The following CRACDL variants were observed in gnomAD, a reference collection of about 807,000 sequenced individuals.
CRACDL encodes CRACD like.
Under a neutral mutation model 70.6 loss-of-function variants are expected in CRACDL, and 26 were observed. The ratio of observed to expected loss-of-function variants is 0.37; its 90% CI spans 0.27 to 0.51. CRACDL has a LOEUF of 0.51. Ranked by LOEUF, CRACDL falls within the 20% of genes least tolerant of loss-of-function variation. The pLI is 0.94. For missense variants in CRACDL, 1,283 were observed against 1,376.9 expected (o/e 0.93, Z 1.08); for synonymous variants, 618 against 615.2 (o/e 1.00, Z -0.07).
intron 1 of CRACDL, among the ~76,000 whole-genome samples, chr2:98,903,435 G>A (rs1708332613): frequency 6.6e-6 from 1 of 152,076 alleles, no homozygotes; most frequent in Admixed American, 6.5e-5. Context: ...AACCCATTTT[G>A]TTTCACCCCA....
At chr2:98,836,668 A>G (rs1322465907) in intron 3 of CRACDL, among the ~76,000 whole-genome samples, 3 of 152,106 alleles carry the variant, frequency 2.0e-5, no homozygotes, top group African/African-American at 4.8e-5. Flanking sequence ...GTCAAGAGAC[A>G]GGGGTGGATG....
At chr2:98,836,507 T>C (rs1705787734) in intron 3 of CRACDL, among the ~76,000 whole-genome samples, 1 of 152,092 alleles carries the variant, frequency 6.6e-6, no homozygotes, top group Non-Finnish European at 1.5e-5. Context: ...AAGCACACCG[T>C]CTCCACTTTC....
intron 1 of CRACDL, among the ~76,000 whole-genome samples, chr2:98,891,469 T>C (rs1263185270): frequency 6.7e-6 from 1 of 150,058 alleles, no homozygotes; most frequent in Admixed American, 6.7e-5. Context: ...CTGTAATGGG[T>C]ACATGGTTTC....
At chr2:98,861,370 C>A (rs1216387751) in intron 1 of CRACDL, among the ~76,000 whole-genome samples, 1 of 152,060 alleles carries the variant, frequency 6.6e-6, no homozygotes, top group Non-Finnish European at 1.5e-5. Flanking sequence ...ACAACAAAAC[C>A]ACAGTGAGTT....
At chr2:98,925,740 G>C (rs901413405) in intron 1 of CRACDL, among the ~76,000 whole-genome samples, 1 of 152,122 alleles carries the variant, frequency 6.6e-6, no homozygotes, top group Admixed American at 6.5e-5. Flanking sequence ...AAAATACACA[G>C]GGTGACTACA....
intron 1 of CRACDL, among the ~76,000 whole-genome samples, chr2:98,906,957 T>C (rs1007647231): frequency 2.0e-5 from 3 of 152,130 alleles, no homozygotes; most frequent in South Asian, 2.1e-4. Context: ...GATTCAATGT[T>C]CAAGGTGCTC....
At chr2:98,897,824 T>TA (rs1708167292) in intron 1 of CRACDL, among the ~76,000 whole-genome samples, 1 of 152,226 alleles carries the variant, frequency 6.6e-6, no homozygotes, top group African/African-American at 2.4e-5. Flanking sequence ...AGCACAGTAC[T>TA]AAAAACAGAG....
intron 3 of CRACDL, among the ~76,000 whole-genome samples, chr2:98,837,382 G>A (rs958208982): frequency 6.6e-6 from 1 of 151,850 alleles, no homozygotes; most frequent in African/African-American, 2.4e-5. Context: ...CCATCTCAGC[G>A]TGGTCTGTAC....
intron 1 of CRACDL, among the ~76,000 whole-genome samples, chr2:98,857,866 C>T (rs981776531): frequency 6.6e-6 from 1 of 152,054 alleles, no homozygotes; most frequent in Non-Finnish European, 1.5e-5. Context: ...TATATATATG[C>T]ATATCTATCT....
At chr2:98,827,227 C>G in intron 5 of CRACDL, 58 bp from the exon 6 acceptor site, 1 of 1,230,754 alleles carries the variant, frequency 8.1e-7, no homozygotes, top group South Asian at 1.3e-5. Flanking sequence ...GAAATAAGGA[C>G]GACCAACGCA....
In CRACDL at chr2:98,820,924, T is replaced by C. The variant is rs192801575; in HGVS notation, c.2416+933A>G. Among the ~76,000 whole-genome samples the C allele has an allele frequency of 2.3e-3, 351 of 152,340 alleles. 1 individual carries two copies. Among genetic ancestry groups the C allele is most frequent in the Non-Finnish European group, 4.3e-3 (291 of 68,034 alleles). ...GAGGAAAAGGTCAGAAGGACCCTAATAGAGGAGTATGTTTCATTTATAGCC... is the reference window on the plus strand; with the variant it reads ...GAGGAAAAGGTCAGAAGGACCCTAACAGAGGAGTATGTTTCATTTATAGCC... On this transcript the variant is annotated intron_variant, in intron 7 of 9. Coordinates refer to ENST00000397899, the MANE Select transcript of CRACDL (RefSeq NM_207362.3).
At chr2:98,853,102 A>C (rs1460253082) in intron 1 of CRACDL, among the ~76,000 whole-genome samples, 3 of 152,156 alleles carry the variant, frequency 2.0e-5, no homozygotes, top group African/African-American at 7.2e-5. Context: ...ACATTTCTCC[A>C]AAATGGTGGA....
At chr2:98,870,626 C>G (rs1407141370) in intron 1 of CRACDL, among the ~76,000 whole-genome samples, 2 of 152,098 alleles carry the variant, frequency 1.3e-5, no homozygotes, top group African/African-American at 2.4e-5. Flanking sequence ...GGACTGGGCC[C>G]CAGGGCTGAG....
At chr2:98,888,511 T>TA (rs952432949) in intron 1 of CRACDL, among the ~76,000 whole-genome samples, 18 of 151,842 alleles carry the variant, frequency 1.2e-4, no homozygotes, top group African/African-American at 4.1e-4. Context: ...AGAAAATAAC[T>TA]AAAAAAATGG....
In CRACDL at chr2:98,822,305, C is replaced by T. The variant is rs1705086519; in HGVS notation, c.1968G>A (p.Glu656=). 2 of 1,506,770 alleles carry T rather than the reference C, an allele frequency of 1.3e-6. No individual in the cohort carries two copies. Among genetic ancestry groups the T allele is most frequent in the East Asian group, 2.5e-5 (1 of 39,622 alleles). The allele number at this position is 1,506,770 out of a possible 1,614,324, so 93.3% of individuals were successfully genotyped here. ...CTCTCGTGCCGGGCGCGGCGGCCGC[C>T]TCCTGAGGGCTCTTGCGCGGCCCGG... The part of the protein sequence containing the change: ...SPAGPRKSPQ[E]AAAAPGTREP... Residue 656 remains glutamate (E), a synonymous_variant, in exon 7 of 10, where the codon GAG becomes GAA. Transcript: ENST00000397899. This position sits in a 1 kb window ranked among gnomAD's most constrained non-coding sequence, Gnocchi z 4.9.
At chr2:98,833,995 C>G (rs1705660447) in intron 3 of CRACDL, among the ~76,000 whole-genome samples, 1 of 152,236 alleles carries the variant, frequency 6.6e-6, no homozygotes, top group Non-Finnish European at 1.5e-5. Context: ...CAACAGTAAG[C>G]TTGCAAGTGG....
intron 7 of CRACDL, among the ~76,000 whole-genome samples, chr2:98,815,384 A>C (rs768936875): frequency 3.3e-5 from 5 of 152,200 alleles, no homozygotes; most frequent in Non-Finnish European, 7.3e-5. Context: ...TCATACACAC[A>C]TTTAAAGGAT....
intron 4 of CRACDL, 94 bp downstream of exon 4, chr2:98,832,768 C>A (rs930635978): frequency 1.3e-6 from 2 of 1,486,566 alleles, no homozygotes; most frequent in Non-Finnish European, 1.9e-6. Context: ...TTCTACTTTA[C>A]AGCATATCAA....
At chr2:98,874,246 T>G (rs1271873338) in intron 1 of CRACDL, among the ~76,000 whole-genome samples, 1 of 152,232 alleles carries the variant, frequency 6.6e-6, no homozygotes, top group Admixed American at 6.5e-5. Flanking sequence ...TTTTCTCGCT[T>G]AATACCCCAA....
Sources: gnomAD v4.1 joint callset for allele counts (sites outside exome capture counted in the v4.1 genomes callset) on GRCh38, gnomAD v4.1.1 for gene constraint, Gnocchi (gnomAD v3.1) non-coding constraint, MANE v1.5 for transcripts, NCBI Gene and HGNC (gene_info 2026-07-23, HGNC 2026-07-21) for gene names.